Variants in HAVCR1 observed in about 807,000 individuals in gnomAD.
HAVCR1 encodes the protein T cell immunoglobin domain and mucin domain protein 1.
In HAVCR1, 34 loss-of-function variants were observed where a neutral mutation model predicts 32.0. The observed-to-expected ratio is 1.06, with a 90% confidence interval of 0.81 to 1.42. The LOEUF (loss-of-function observed/expected upper bound fraction) is 1.42. HAVCR1 is among the 40% of genes most tolerant of loss of function. HAVCR1 has a pLI of 0.00. For missense variants in HAVCR1, 420 were observed against 442.3 expected (o/e 0.95, Z 0.45); for synonymous variants, 178 against 170.3 (o/e 1.05, Z -0.35).
At chr5:157,044,456 AAAGAAAGAAAGAAAGGAAGGAAGGAAGG>A (rs1367780044) in intron 5 of HAVCR1, among the ~76,000 whole-genome samples, 4 of 67,304 alleles carry the variant, frequency 5.9e-5, no homozygotes, top group East Asian at 3.4e-4. Context: ...AGAAAGAAAG[AAAGAAAGAAAGAAAGGAAGGAAGGAAGG>A]AAGGAAGGAA....
At chr5:157,046,505 A>C (rs35931650) in intron 5 of HAVCR1, among the ~76,000 whole-genome samples, 1 of 152,090 alleles carries the variant, frequency 6.6e-6, no homozygotes, top group Admixed American at 6.5e-5. Context: ...TGTTTGGAGC[A>C]GAGTAGCAGG....
In HAVCR1 at chr5:157,049,520, C is replaced by T. The variant is rs111963586; in HGVS notation, c.674-375G>A. 5.7e-3 allele frequency among the ~76,000 whole-genome samples: 872 copies of T among 152,294 alleles called. 6 individuals carry two copies. Among genetic ancestry groups the T allele is most frequent in the African/African-American group, 0.019 (800 of 41,560 alleles). ...ATTTTATGTAGAATACCCAATTAAGCTTTATTTTATTCATACAAGTGATAT... is the reference window on the plus strand; with the variant it reads ...ATTTTATGTAGAATACCCAATTAAGTTTTATTTTATTCATACAAGTGATAT... On this transcript the variant is annotated intron_variant, in intron 4 of 8. Transcript: ENST00000523175.
At chr5:157,057,272 C>T (rs10066231) in intron 2 of HAVCR1, among the ~76,000 whole-genome samples, 126,198 of 146,174 alleles carry the variant, frequency 0.86, 54,553 homozygotes, top group East Asian at 0.99. Context: ...GCCGAGATCA[C>T]GCCACTGAAC....
the HAVCR1 span, among the ~76,000 whole-genome samples, chr5:157,069,173 T>A: frequency 2.0e-5 from 3 of 152,236 alleles, no homozygotes; most frequent in East Asian, 1.9e-4. Flanking sequence ...ACTATGGCAG[T>A]CCATGATTCC....
At chr5:157,041,320 A>C (rs1754878745) in intron 6 of HAVCR1, among the ~76,000 whole-genome samples, 1 of 152,118 alleles carries the variant, frequency 6.6e-6, no homozygotes, top group African/African-American at 2.4e-5. Flanking sequence ...AAACATGATG[A>C]AACCTCATCT....
intron 5 of HAVCR1, among the ~76,000 whole-genome samples, chr5:157,048,530 T>C (rs1373875344): frequency 6.6e-6 from 1 of 152,174 alleles, no homozygotes; most frequent in Non-Finnish European, 1.5e-5. Context: ...TATTACATCC[T>C]TTTTACAAAT....
intron 3 of HAVCR1, among the ~76,000 whole-genome samples, chr5:157,054,650 T>C (rs1756005662): frequency 6.6e-6 from 1 of 152,234 alleles, no homozygotes; most frequent in African/African-American, 2.4e-5. Context: ...TGGACCTCCA[T>C]ATTTGTGGGT....
chr5:157,032,255 A>G (rs1457575685), intron 8 of HAVCR1, among the ~76,000 whole-genome samples: 2 of 152,178 alleles, frequency 1.3e-5, no homozygotes, highest in Non-Finnish European at 2.9e-5. Flanking sequence ...GCGGTGGCTC[A>G]TGTCTGTAAT....
At chr5:157,058,329 C>T (rs867895017) in intron 1 of HAVCR1, 44 of 163,838 alleles carry the variant, frequency 2.7e-4, no homozygotes, top group African/African-American at 8.6e-4. Context: ...TTTGGGAGGC[C>T]AAGGCGGGCA....
Position 157,029,582 on chromosome 5 carries a change from G to T in HAVCR1, c.*151C>A. ...ACTATACACAGTTTGGAGTGAGAGA[G>T]TTACTCTACCCAGTATCACTGACAT... On this transcript the variant is annotated 3_prime_UTR_variant, in exon 9 of 9. Coordinates refer to ENST00000523175, the MANE Select transcript of HAVCR1 (RefSeq NM_001173393.3). The T allele has an allele frequency of 6.5e-7, 1 of 1,534,342 alleles. No individual in the cohort carries two copies. The highest frequency in any genetic ancestry group is 8.7e-7 in the Non-Finnish European group (1 of 1,143,266).
At position 157,055,483 on chromosome 5, in the gene HAVCR1, T is replaced by A; in HGVS notation, c.97A>T (p.Thr33Ser). 5.6e-6 allele frequency: 9 copies of A among 1,605,500 alleles called. No individual in the cohort carries two copies. Among genetic ancestry groups the A allele is most frequent in the Non-Finnish European group, 7.7e-6 (9 of 1,174,170 alleles). ...GCTCCACTGTAGTGGCAGGGTAGTG[T>A]GACAGATGGACCTGCCTCTCCACCA... Reference protein sequence around the residue: ...KVGGEAGPSVTLPCHYSGAVT... With the variant: ...KVGGEAGPSVSLPCHYSGAVT... Residue 33 changes from threonine to serine, a missense_variant, in exon 3 of 9, where the codon ACA (threonine) becomes TCA (serine). By Grantham distance (58) the Thr-to-Ser change is moderately conservative. Transcript: ENST00000523175.
At chr5:157,044,676 A>AGAAAGAAAGAAAGAAAGAAAGAAAGAAG (rs142603344) in intron 5 of HAVCR1, among the ~76,000 whole-genome samples, 1 of 109,454 alleles carries the variant, frequency 9.1e-6, no homozygotes, top group African/African-American at 3.1e-5. Flanking sequence ...AAAGAAAGAA[A>AGAAAGAAAGAAAGAAAGAAAGAAAGAAG]GGAGGGAGGG....
intron 3 of HAVCR1, among the ~76,000 whole-genome samples, chr5:157,054,754 T>G (rs1756010621): frequency 2.0e-5 from 3 of 152,186 alleles, no homozygotes; most frequent in Non-Finnish European, 4.4e-5. Context: ...AATACAGACT[T>G]TTTTGTTTGT....
chr5:157,031,009 T>TG (rs1754140174), intron 8 of HAVCR1, among the ~76,000 whole-genome samples: 1 of 4,078 alleles, frequency 2.5e-4, no homozygotes, highest in Non-Finnish European at 6.1e-4. Context: ...TTAGTGTGGG[T>TG]TTTTTTTTTT....
chr5:157,035,038 ACT>A (rs1754446274), intron 7 of HAVCR1, among the ~76,000 whole-genome samples: 1 of 151,450 alleles, frequency 6.6e-6, no homozygotes, highest in African/African-American at 2.4e-5. Context: ...AGAGCAAGAG[ACT>A]CTGTCTCCAA....
intron 4 of HAVCR1, among the ~76,000 whole-genome samples, chr5:157,051,980 G>A (rs746665070): frequency 3.9e-5 from 6 of 152,148 alleles, no homozygotes; most frequent in Admixed American, 6.5e-5. Context: ...AGAGCTCTTC[G>A]TGAGGACACT....
intron 7 of HAVCR1, 148 bp downstream of exon 7, chr5:157,037,099 T>C (rs1754581447): frequency 7.5e-6 from 5 of 665,256 alleles, no homozygotes; most frequent in Non-Finnish European, 1.3e-5. Context: ...AGGTAGATGG[T>C]ATTACCATGT....
chr5:157,050,551 C>G (rs1755678144), intron 4 of HAVCR1, among the ~76,000 whole-genome samples: 1 of 152,130 alleles, frequency 6.6e-6, no homozygotes, highest in Non-Finnish European at 1.5e-5. Flanking sequence ...TAAGAATAAC[C>G]TCAAGTGATA....
At position 157,029,636 on chromosome 5, in the gene HAVCR1, A is replaced by C. The variant is rs761010730; in HGVS notation, c.*97T>G. The C allele has an allele frequency of 6.0e-5, 94 of 1,571,548 alleles. 1 individual carries two copies. In the Middle Eastern group the frequency reaches 1.2e-3, roughly 19 times the overall value. On this transcript the variant is annotated 3_prime_UTR_variant, in exon 9 of 9. Transcript: ENST00000523175. Reference sequence around the variant, plus strand: ...GGAATGCCAGATGAAACTGAAACAGAAAAATTGTCTTGGGGTCTAAAAGAC... The same window carrying C: ...GGAATGCCAGATGAAACTGAAACAGCAAAATTGTCTTGGGGTCTAAAAGAC...
Sources: gnomAD v4.1 joint callset for allele counts (sites outside exome capture counted in the v4.1 genomes callset) on GRCh38, gnomAD v4.1.1 for gene constraint, MANE v1.5 for transcripts, NCBI Gene and HGNC (gene_info 2026-07-23, HGNC 2026-07-21) for gene names.